Variants in UBTD1 observed in about 807,000 individuals in gnomAD.
UBTD1 encodes the protein ubiquitin domain containing 1.
In UBTD1, 19 loss-of-function variants were observed where a neutral mutation model predicts 21.7. The ratio of observed to expected loss-of-function variants is 0.87; its 90% CI spans 0.61 to 1.28. UBTD1 has a LOEUF of 1.28. Among genes scored for constraint, UBTD1 ranks in the 50% most tolerant of loss-of-function variants. The probability of loss-of-function intolerance (pLI) is 0.00; values close to 1 mark genes in which losing one functional copy is unlikely to be tolerated. For synonymous variants in UBTD1, 116 were observed against 135.1 expected (o/e 0.86, Z 0.98); for missense variants, 282 against 315.1 (o/e 0.89, Z 0.80).
At chr10:97,552,543 G>A (rs1040435104) in intron 1 of UBTD1, among the ~76,000 whole-genome samples, 5 of 151,734 alleles carry the variant, frequency 3.3e-5, no homozygotes, top group Non-Finnish European at 2.9e-5. Context: ...CTGCAGGCGC[G>A]CACCACCAAG....
chr10:97,513,644 A>C (rs2040431500), intron 1 of UBTD1, among the ~76,000 whole-genome samples: 1 of 152,208 alleles, frequency 6.6e-6, no homozygotes, highest in Non-Finnish European at 1.5e-5. Flanking sequence ...CGATATGAGA[A>C]AGCTCAAAGA....
rs58308271 is a variant in UBTD1 at position 97,534,579 on chromosome 10, G to GCACACACACACA, written c.71-33313_71-33302dup. On this transcript the variant is annotated intron_variant, in intron 1 of 2. Transcript: ENST00000370664. ...CACTAAGGAACACACACGCGCGCGC[G>GCACACACACACA]CACACACACACACACACACACACAC... is the stretch of plus-strand genomic sequence containing the variant. Among the ~76,000 whole-genome samples, 31 of 145,358 alleles carry GCACACACACACA rather than the reference G, an allele frequency of 2.1e-4. No individual in the cohort carries two copies. In the East Asian group the frequency reaches 5.2e-3, roughly 24 times the overall value.
chr10:97,570,378 C>A lies in UBTD1; in HGVS notation c.539C>A (p.Ala180Asp). The change falls in exon 3 of 3, where the codon GCC becomes GAC. Residue 180 changes from alanine to aspartate, a missense_variant. Coordinates refer to ENST00000370664, the MANE Select transcript of UBTD1 (RefSeq NM_024954.5). This position sits in a 1 kb window ranked among gnomAD's most constrained non-coding sequence, Gnocchi z 6.6. ...GGGCAGCTCAAGAGGCAGCTGCACG[C>A]CCAGGAGGGCATCGAGCCATCGTGG... ...TVGQLKRQLH[A>D]QEGIEPSWQR... 1.2e-6 allele frequency: 2 copies of A among 1,613,358 alleles called. No homozygotes were observed. Among genetic ancestry groups the A allele is most frequent in the Non-Finnish European group, 1.7e-6 (2 of 1,180,000 alleles).
chr10:97,520,995 G>C (rs905873408), intron 1 of UBTD1, among the ~76,000 whole-genome samples: 6 of 152,188 alleles, frequency 3.9e-5, no homozygotes, highest in African/African-American at 1.4e-4. Flanking sequence ...TCTATAAAGA[G>C]AGAGGACCAC....
rs552017822 is a variant in UBTD1 at position 97,507,812 on chromosome 10, G to A, written c.70+8539G>A. Among the ~76,000 whole-genome samples the A allele has an allele frequency of 4.7e-5, 7 of 150,372 alleles. No homozygotes were observed. In the South Asian group the frequency reaches 1.5e-3, roughly 32 times the overall value. ...AAAAAAAAAAAAAAGAGAGGAACCT[G>A]GCAGGAAAGGGGCTGGAACACCTTC... On this transcript the variant is annotated intron_variant, in intron 1 of 2. Coordinates refer to ENST00000370664, the MANE Select transcript of UBTD1 (RefSeq NM_024954.5).
chr10:97,515,564 T>C (rs937129102), intron 1 of UBTD1, among the ~76,000 whole-genome samples: 6 of 152,166 alleles, frequency 3.9e-5, no homozygotes, highest in Non-Finnish European at 7.3e-5. Flanking sequence ...CACGGCAGGG[T>C]TGCTGCCTGG....
intron 1 of UBTD1, among the ~76,000 whole-genome samples, chr10:97,564,166 C>A (rs1325326273): frequency 6.6e-6 from 1 of 152,124 alleles, no homozygotes; most frequent in East Asian, 1.9e-4. Flanking sequence ...GGCTGGGAAT[C>A]TGAAGTAGGC....
chr10:97,509,845 G>A, intron 1 of UBTD1, among the ~76,000 whole-genome samples: 1 of 151,970 alleles, frequency 6.6e-6, no homozygotes. Flanking sequence ...GAGAGACGGG[G>A]TTTCACCATG....
intron 1 of UBTD1, among the ~76,000 whole-genome samples, chr10:97,504,062 A>C (rs2135652750): frequency 6.6e-6 from 1 of 152,012 alleles, no homozygotes; most frequent in African/African-American, 2.4e-5. Context: ...AAGGCCCCTA[A>C]AATTCTCGTC....
chr10:97,552,838 G>C (rs1002216200), intron 1 of UBTD1, among the ~76,000 whole-genome samples: 1 of 152,152 alleles, frequency 6.6e-6, no homozygotes, highest in Non-Finnish European at 1.5e-5. Context: ...CTGATGCCTC[G>C]AGTGGATGCC....
At chr10:97,567,633 TG>T (rs2040724039) in intron 1 of UBTD1, among the ~76,000 whole-genome samples, 1 of 151,960 alleles carries the variant, frequency 6.6e-6, no homozygotes, top group Admixed American at 6.6e-5. Flanking sequence ...CACTCCAGCC[TG>T]GGCAACAAGA....
chr10:97,524,066 TG>T (rs1157267611), intron 1 of UBTD1, among the ~76,000 whole-genome samples: 1 of 152,184 alleles, frequency 6.6e-6, no homozygotes, highest in African/African-American at 2.4e-5. Context: ...AAACCTGCCA[TG>T]GGCTCCGAGG....
intron 1 of UBTD1, among the ~76,000 whole-genome samples, chr10:97,561,701 C>T (rs1013586176): frequency 4.0e-5 from 6 of 151,826 alleles, no homozygotes; most frequent in Admixed American, 1.3e-4. Context: ...TTGGGCCTGG[C>T]GCCGGGCTGC....
intron 2 of UBTD1, 86 bp downstream of exon 2, chr10:97,568,227 T>G: frequency 7.1e-7 from 1 of 1,413,580 alleles, no homozygotes; most frequent in African/African-American, 1.4e-5. Flanking sequence ...TGTGGAGCGG[T>G]GGGGCAGGTG....
chr10:97,536,008 T>TTATTATTATTATTATTATTC (rs1200462477), intron 1 of UBTD1, among the ~76,000 whole-genome samples: 3 of 19,502 alleles, frequency 1.5e-4, no homozygotes, highest in South Asian at 1.2e-3. Context: ...TATTATTATT[T>TTATTATTATTATTATTATTC]CGAGACAGAA....
chr10:97,510,559 C>CATATT (rs1174453756), intron 1 of UBTD1, among the ~76,000 whole-genome samples: 2 of 152,176 alleles, frequency 1.3e-5, no homozygotes, highest in South Asian at 2.1e-4. Context: ...GTGCCTGGGA[C>CATATT]ATATTACCTA....
At chr10:97,529,831 ACCT>A (rs756173016) in intron 1 of UBTD1, among the ~76,000 whole-genome samples, 6 of 151,698 alleles carry the variant, frequency 4.0e-5, no homozygotes, top group Non-Finnish European at 7.4e-5. Context: ...CATTCTGACC[ACCT>A]CCTGCCTCGT....
At chr10:97,524,126 G>A (rs753615147) in intron 1 of UBTD1, among the ~76,000 whole-genome samples, 19 of 152,064 alleles carry the variant, frequency 1.2e-4, no homozygotes, top group Non-Finnish European at 2.2e-4. Context: ...TGGGTTCCTC[G>A]CTCTGTCACC....
At position 97,570,511 on chromosome 10, in the gene UBTD1, AC is replaced by A; in HGVS notation, c.676del (p.Gln226ArgfsTer122). On this transcript the variant is annotated frameshift_variant, in exon 3 of 3. Coordinates refer to ENST00000370664, the MANE Select transcript of UBTD1 (RefSeq NM_024954.5). LOFTEE classifies it high-confidence loss of function. This position sits in a 1 kb window ranked among gnomAD's most constrained non-coding sequence, Gnocchi z 6.6. Reference sequence around the variant, plus strand: ...AGGTCATCATCAACCAGCCCCCACCACCCCAGGACTGATGGGCCCACGGACC... The same window carrying A: ...AGGTCATCATCAACCAGCCCCCACCACCCAGGACTGATGGGCCCACGGACC... ...IQVIINQPPPPQD is the reference protein window; with the variant it reads ...IQVIINQPPPXQD The A allele has an allele frequency of 6.3e-7, 1 of 1,595,672 alleles. No homozygotes were observed. The highest frequency in any genetic ancestry group is 8.6e-7 in the Non-Finnish European group (1 of 1,166,854).
Sources: gnomAD v4.1 joint callset for allele counts (sites outside exome capture counted in the v4.1 genomes callset) on GRCh38, gnomAD v4.1.1 for gene constraint, Gnocchi (gnomAD v3.1) non-coding constraint, MANE v1.5 for transcripts, NCBI Gene and HGNC (gene_info 2026-07-23, HGNC 2026-07-21) for gene names.